The following DYRK1B variants were observed in gnomAD, a reference collection of about 807,000 sequenced individuals.
DYRK1B encodes the protein dual specificity tyrosine phosphorylation regulated kinase 1B.
A neutral mutation model predicts 57.1 loss-of-function variants in DYRK1B; 20 were observed. The ratio of observed to expected loss-of-function variants is 0.35; its 90% CI spans 0.25 to 0.51. The LOEUF (loss-of-function observed/expected upper bound fraction) is 0.51, where lower values mean the gene tolerates loss of function less well. Ranked by LOEUF, DYRK1B falls within the 20% of genes least tolerant of loss-of-function variation. The probability of loss-of-function intolerance (pLI) is 0.96; values close to 1 mark genes in which losing one functional copy is unlikely to be tolerated. For missense variants in DYRK1B, 732 were observed against 886.3 expected, an observed-to-expected ratio of 0.83 and a Z score of 2.21; for synonymous variants, 409 against 384.7, an observed-to-expected ratio of 1.06 and a Z score of -0.74.
intron 1 of DYRK1B, 143 bp from the exon 2 acceptor site, chr19:39,832,111 A>C (rs1968847124): frequency 1.2e-6 from 1 of 838,872 alleles, no homozygotes; most frequent in Non-Finnish European, 1.6e-6. Context: ...AGCAATGAAG[A>C]GAAGGGGCAG....
chr19:39,829,217 TTTTG>T (rs373552525), intron 5 of DYRK1B, among the ~76,000 whole-genome samples: 60 of 151,904 alleles, frequency 3.9e-4, no homozygotes, highest in African/African-American at 1.2e-3. Flanking sequence ...AGGTTTGGTT[TTTTG>T]TTTGTTTTGG....
rs1440564600 is a variant in DYRK1B at position 39,828,787 on chromosome 19, A to G, written c.521-204T>C. ...TTCCAAGTCTCTGTCAAACCCTCCA[A>G]TTAAACCAAAGAGAAAGTTTCATTA... On this transcript the variant is annotated intron_variant, in intron 5 of 10. Transcript: ENST00000323039. The surrounding 1 kb of genome is among the most constrained non-coding windows in gnomAD (Gnocchi z 4.3). Among the ~76,000 whole-genome samples the G allele has an allele frequency of 1.3e-5, 2 of 152,224 alleles. No individual in the cohort carries two copies. The highest frequency in any genetic ancestry group is 2.4e-5 in the African/African-American group (1 of 41,440).
chr19:39,827,788 A>G, intron 6 of DYRK1B, 132 bp from the exon 7 acceptor site: 1 of 1,155,862 alleles, frequency 8.7e-7, no homozygotes. Flanking sequence ...AAATCCTGCC[A>G]TTATCAGCAC....
intron 1 of DYRK1B, 145 bp downstream of exon 1, chr19:39,833,878 C>T (rs1968951542): frequency 6.6e-6 from 1 of 152,254 alleles, no homozygotes; most frequent in South Asian, 2.0e-4. Flanking sequence ...TATGAATAGC[C>T]AGGCAGGGCC....
intron 1 of DYRK1B, chr19:39,833,436 G>A: frequency 1.2e-6 from 1 of 809,032 alleles, no homozygotes; most frequent in African/African-American, 1.8e-5. Context: ...GAGGCCCGGT[G>A]GGTGACAACA....
chr19:39,831,209 C>A (rs1968793670), intron 2 of DYRK1B, among the ~76,000 whole-genome samples: 1 of 152,176 alleles, frequency 6.6e-6, no homozygotes, highest in Non-Finnish European at 1.5e-5. Flanking sequence ...CTCCCACCAA[C>A]TCTTTGCACA....
intron 2 of DYRK1B, 49 bp downstream of exon 2, chr19:39,831,756 C>G: frequency 6.5e-7 from 1 of 1,548,674 alleles, no homozygotes; most frequent in Non-Finnish European, 8.7e-7. Context: ...CTTTCTATCC[C>G]CAGCCTCCCC....
At chr19:39,830,069 G>A in intron 4 of DYRK1B, 42 bp from the exon 5 acceptor site, 1 of 1,603,834 alleles carries the variant, frequency 6.2e-7, no homozygotes, top group Non-Finnish European at 8.5e-7. Context: ...GGTGGGAGCA[G>A]GGCAGAGCCA....
chr19:39,825,435 G>C lies in DYRK1B; in HGVS notation c.*280C>G. The C allele has an allele frequency of 2.2e-6, 1 of 463,378 alleles. No homozygotes were observed. The highest frequency in any genetic ancestry group is 3.9e-6 in the Non-Finnish European group (1 of 258,488). 28.7% of individuals were successfully genotyped at this position (463,378 alleles called of 1,614,324 possible). A position where few individuals can be genotyped will look rare whatever the true frequency, so the allele number is the denominator to read the frequency against. On this transcript the variant is annotated 3_prime_UTR_variant, in exon 11 of 11. Transcript: ENST00000323039. ...GCCCCCACCCCCTCCTAGGGTCCTG[G>C]GGTGAGGGGGGGTCTTCCCTCCACC...
At position 39,827,372 on chromosome 19, in the gene DYRK1B, C is replaced by T. The variant is rs774939972; in HGVS notation, c.1008G>A (p.Met336Ile). The stretch of plus-strand genomic sequence containing the variant: ...TGCGAGCCTTGGGCGCCTGGTCCAG[C>T]ATGGCGGCCGGTGGGATGCCCAGCA... ...VEVLGIPPAA[M>I]LDQAPKARKY... is the part of the protein sequence containing the mutation. Residue 336 changes from methionine (M) to isoleucine (I), a missense_variant, in exon 8 of 11, where the codon ATG (methionine) becomes ATA (isoleucine). Around this residue, in one of 2 missense-constraint regions of DYRK1B, gnomAD observed 510 missense variants for 681.3 expected, o/e 0.75. Coordinates refer to ENST00000323039, the MANE Select transcript of DYRK1B (RefSeq NM_004714.3). 1 of 1,613,762 alleles carries T rather than the reference C, an allele frequency of 6.2e-7. No homozygotes were observed. Among genetic ancestry groups the T allele is most frequent in the South Asian group, 1.1e-5 (1 of 91,078 alleles).
chr19:39,833,221 G>T, intron 1 of DYRK1B: 3 of 985,720 alleles, frequency 3.0e-6, no homozygotes, highest in Non-Finnish European at 2.4e-6. Flanking sequence ...CTCTTCTCCG[G>T]GGCCCTCCCA....
chr19:39,825,649 G>C lies in DYRK1B; in HGVS notation c.*66C>G, dbSNP rs1968491454. 6.8e-7 allele frequency: 1 copy of C among 1,475,386 alleles called. No homozygotes were observed. The highest frequency in any genetic ancestry group is 1.4e-5 in the African/African-American group (1 of 71,858). 91.4% of individuals were successfully genotyped at this position (1,475,386 alleles called of 1,614,324 possible). A position where few individuals can be genotyped will look rare whatever the true frequency, so the allele number is the denominator to read the frequency against. On this transcript the variant is annotated 3_prime_UTR_variant, in exon 11 of 11. Coordinates refer to ENST00000323039, the MANE Select transcript of DYRK1B (RefSeq NM_004714.3). Reference sequence around the variant, plus strand: ...TCCAGTCAAGGAGAGAGATGAGGATGGGAGCCCAGGGCCCCCAGATGGGGG... The same window carrying C: ...TCCAGTCAAGGAGAGAGATGAGGATCGGAGCCCAGGGCCCCCAGATGGGGG...
chr19:39,826,573 G>C lies in DYRK1B; in HGVS notation c.1411+99C>G. On this transcript the variant is annotated intron_variant, in intron 9 of 10. Coordinates refer to ENST00000323039, the MANE Select transcript of DYRK1B (RefSeq NM_004714.3). This position sits in a 1 kb window ranked among gnomAD's most constrained non-coding sequence, Gnocchi z 6.3. ...CATCTTACAGTTCAGGATCAGTTTC[G>C]GCGCTTTGTGTGAAGACCCAGTAAC... 2 of 1,303,970 alleles carry C rather than the reference G, an allele frequency of 1.5e-6. No homozygotes were observed. Among genetic ancestry groups the C allele is most frequent in the Admixed American group, 6.0e-5 (2 of 33,356 alleles). 80.8% of individuals were successfully genotyped at this position (1,303,970 alleles called of 1,614,324 possible).
Position 39,826,838 on chromosome 19 carries a change from C to T in DYRK1B, c.1245G>A (p.Glu415=). Residue 415 remains glutamate (E), a synonymous_variant, in exon 9 of 11, where the codon GAG becomes GAA. Transcript: ENST00000323039. This position sits in a 1 kb window ranked among gnomAD's most constrained non-coding sequence, Gnocchi z 6.3. The part of the protein sequence containing the change: ...QDLVLRMLEY[E]PAARISPLGA... ...CCAGGGGGCTGATGCGGGCGGCGGGCTCATACTCCAGCATGCGCAGCACCA... is the reference window on the plus strand; with the variant it reads ...CCAGGGGGCTGATGCGGGCGGCGGGTTCATACTCCAGCATGCGCAGCACCA... 6.7e-7 allele frequency: 1 copy of T among 1,482,994 alleles called. No individual in the cohort carries two copies. The highest frequency in any genetic ancestry group is 1.3e-5 in the South Asian group (1 of 76,420). 91.9% of individuals were successfully genotyped at this position (1,482,994 alleles called of 1,614,324 possible). A position where few individuals can be genotyped will look rare whatever the true frequency, so the allele number is the denominator to read the frequency against.
intron 4 of DYRK1B, 26 bp from the exon 5 acceptor site, chr19:39,830,053 G>C (rs576705312): frequency 6.2e-7 from 1 of 1,612,454 alleles, no homozygotes; most frequent in Non-Finnish European, 8.5e-7. Flanking sequence ...ATGTCACGAA[G>C]AAAGGGGTGG....
chr19:39,829,622 T>C (rs1347602554), intron 5 of DYRK1B: 3 of 399,232 alleles, frequency 7.5e-6, no homozygotes, highest in Admixed American at 4.2e-5. Context: ...TTATGGGCTG[T>C]GGTGAGTTAA....
Position 39,828,482 on chromosome 19 carries a change from C to T in DYRK1B, c.622G>A (p.Gly208Ser), listed in dbSNP as rs1431328970. The part of the protein sequence containing the change: ...YDLLRNTHFR[G>S]VSLNLTRKLA... Reference sequence around the variant, plus strand: ...TTCCGGGTCAGGTTCAGCGAGACGCCGCGGAAGTGGGTGTTGCGCAGGAGG... The same window carrying T: ...TTCCGGGTCAGGTTCAGCGAGACGCTGCGGAAGTGGGTGTTGCGCAGGAGG... The change falls in exon 6 of 11, where the codon GGC becomes AGC. Residue 208 changes from glycine (G) to serine (S), a missense_variant. Around this residue, in one of 2 missense-constraint regions of DYRK1B, gnomAD observed 510 missense variants for 681.3 expected, o/e 0.75. Transcript: ENST00000323039. The surrounding 1 kb of genome is among the most constrained non-coding windows in gnomAD (Gnocchi z 4.3). The T allele has an allele frequency of 6.2e-7, 1 of 1,613,478 alleles. No homozygotes were observed. Among genetic ancestry groups the T allele is most frequent in the Non-Finnish European group, 8.5e-7 (1 of 1,179,830 alleles).
chr19:39,826,026 G>C lies in DYRK1B; in HGVS notation c.1579C>G (p.Gln527Glu). The C allele has an allele frequency of 6.6e-7, 1 of 1,522,602 alleles. No individual in the cohort carries two copies. The highest frequency in any genetic ancestry group is 8.8e-7 in the Non-Finnish European group (1 of 1,137,932). The allele number at this position is 1,522,602 out of a possible 1,614,324, so 94.3% of individuals were successfully genotyped here. A position where few individuals can be genotyped will look rare whatever the true frequency, so the allele number is the denominator to read the frequency against. ...AGGDVPHKTH[Q>E]APASASSLPG... ...AGTGACGAGGCAGAGGCAGGGGCTT[G>C]ATGTGTCTTGTGGGGCACATCACCC... is the stretch of plus-strand genomic sequence containing the variant. Residue 527 changes from glutamine (Q) to glutamate (E), a missense_variant, in exon 11 of 11, where the codon CAA (glutamine) becomes GAA (glutamate). This residue lies in a region of DYRK1B where 222 missense variants were observed against 205.0 expected (regional missense o/e 1.08). Transcript: ENST00000323039. The surrounding 1 kb of genome is among the most constrained non-coding windows in gnomAD (Gnocchi z 6.3).
Position 39,828,390 on chromosome 19 carries a change from G to A in DYRK1B, c.714C>T (p.Cys238=), listed in dbSNP as rs769933803. The change falls in exon 6 of 11, where the codon TGC becomes TGT. Residue 238 remains cysteine, a synonymous_variant. Transcript: ENST00000323039. This position sits in a 1 kb window ranked among gnomAD's most constrained non-coding sequence, Gnocchi z 4.3. ...LATPELSIIH[C]DLKPENILLC... is the part of the protein sequence containing the mutation. ...GCAAGATGTTTTCGGGCTTGAGGTC[G>A]CAGTGAATGATGCTGAGCTCAGGCG... 5.6e-6 allele frequency: 9 copies of A among 1,613,934 alleles called. No homozygotes were observed. Among genetic ancestry groups the A allele is most frequent in the Admixed American group, 1.7e-5 (1 of 59,984 alleles).
Sources: allele counts gnomAD v4.1 joint callset (sites outside exome capture counted in the v4.1 genomes callset), GRCh38; gene constraint gnomAD v4.1.1; regional missense constraint gnomAD v4.1.1; non-coding constraint Gnocchi (gnomAD v3.1); transcripts MANE v1.5; gene names NCBI Gene and HGNC (gene_info 2026-07-23, HGNC 2026-07-21).